TMEM260: variants seen among roughly 807,000 people sequenced by gnomAD.
The protein encoded by TMEM260 is protein O-mannosyl-transferase TMEM260.
TMEM260 carries 82 observed loss-of-function variants against 88.9 expected under a neutral mutation model. The observed-to-expected ratio is 0.92, with a 90% CI of 0.77 to 1.11. The LOEUF (loss-of-function observed/expected upper bound fraction) is 1.11. Ranked by LOEUF, TMEM260 falls within the 50% of genes least tolerant of loss-of-function variation. The pLI is 0.00. For missense variants in TMEM260, 902 were observed against 853.4 expected, an observed-to-expected ratio of 1.06 and a Z score of -0.71; for synonymous variants, 314 against 309.3, an observed-to-expected ratio of 1.02 and a Z score of -0.16.
intron 3 of TMEM260, among the ~76,000 whole-genome samples, chr14:56,598,192 G>C (rs1886363027): frequency 1.3e-5 from 2 of 152,010 alleles, no homozygotes; most frequent in African/African-American, 4.8e-5. Flanking sequence ...GAAATCTGGG[G>C]AAATAACCAG....
rs1886148681 is a variant in TMEM260 at position 56,595,474 on chromosome 14, A to G, written c.345-8341A>G. Among the ~76,000 whole-genome samples the G allele has an allele frequency of 2.0e-5, 3 of 152,110 alleles. No individual in the cohort carries two copies. In the South Asian group the frequency reaches 6.2e-4, roughly 32 times the overall value. ...GCAATATGAGTAACTGTGAACCTAT[A>G]TTTTATTTTATTTTCTTTTTTGGAG... is the stretch of plus-strand genomic sequence containing the variant. On this transcript the variant is annotated intron_variant, in intron 3 of 15. Coordinates refer to ENST00000261556, the MANE Select transcript of TMEM260 (RefSeq NM_017799.4).
Position 56,625,410 on chromosome 14 carries a change from A to T in TMEM260, c.1427A>T (p.Lys476Met). 1 of 1,613,998 alleles carries T rather than the reference A, an allele frequency of 6.2e-7. No individual in the cohort carries two copies. Among genetic ancestry groups the T allele is most frequent in the Non-Finnish European group, 8.5e-7 (1 of 1,179,988 alleles). ...EMMTYEWYLP[K>M]MAKHLPGVNF... ...ATGACTTACGAGTGGTATTTACCCA[A>T]GATGGCAAAGCACTTGCCAGGTGTC... The change falls in exon 12 of 16, where the codon AAG (lysine) becomes ATG (methionine). Residue 476 changes from lysine (K) to methionine (M), a missense_variant. Transcript: ENST00000261556.
At chr14:56,650,017 TAGG>T (rs1890172123), downstream of TMEM260, 11 of 434,386 alleles carry the variant, frequency 2.5e-5, no homozygotes, top group African/African-American at 1.4e-4. Context: ...TCCTTTCTAT[TAGG>T]TGAGGTTAAA....
chr14:56,662,330 G>A, the TMEM260 span, among the ~76,000 whole-genome samples: 1 of 152,152 alleles, frequency 6.6e-6, no homozygotes, highest in Non-Finnish European at 1.5e-5. Flanking sequence ...TATGAGGAGG[G>A]TGAAGAGACA....
intron 3 of TMEM260, among the ~76,000 whole-genome samples, chr14:56,589,571 C>G (rs894275844): frequency 5.9e-5 from 9 of 152,018 alleles, no homozygotes; most frequent in Admixed American, 5.2e-4. Context: ...AAGACATCAG[C>G]TCTCTTAACG....
intron 15 of TMEM260, among the ~76,000 whole-genome samples, chr14:56,640,045 C>T (rs1167446698): frequency 6.6e-6 from 1 of 152,216 alleles, no homozygotes; most frequent in Non-Finnish European, 1.5e-5. Context: ...TTCCTGCCTG[C>T]CTCTGTAGGC....
At chr14:56,644,953 C>T (rs937198372) in intron 15 of TMEM260, among the ~76,000 whole-genome samples, 1 of 152,090 alleles carries the variant, frequency 6.6e-6, no homozygotes, top group Non-Finnish European at 1.5e-5. Context: ...GATACCATCT[C>T]ACACCAGTTA....
At chr14:56,582,312 C>G (rs1030292889) in intron 1 of TMEM260, among the ~76,000 whole-genome samples, 3 of 152,166 alleles carry the variant, frequency 2.0e-5, no homozygotes, top group African/African-American at 4.8e-5. Context: ...TACCACTTGA[C>G]ACACACAGTT....
Position 56,637,887 on chromosome 14 carries a change from G to A in TMEM260, c.1869+1289G>A, listed in dbSNP as rs1254197344. Among the ~76,000 whole-genome samples the A allele has an allele frequency of 2.0e-5, 3 of 149,178 alleles. No individual in the cohort carries two copies. The East Asian group carries it at 6.3e-4, about 31-fold the overall frequency. On this transcript the variant is annotated intron_variant, in intron 15 of 15. Coordinates refer to ENST00000261556, the MANE Select transcript of TMEM260 (RefSeq NM_017799.4). ...TCAAAAAGGTGGCAGGCTAGAGAGG[G>A]AGATGGAAGATCAAGTCCTCAGTCA...
rs764775633 is a variant in TMEM260 at position 56,618,770 on chromosome 14, C to A, written c.1226+7C>A. On this transcript the variant is annotated splice_region_variant and intron_variant, in intron 10 of 15. Coordinates refer to ENST00000261556, the MANE Select transcript of TMEM260 (RefSeq NM_017799.4). ...AAATATATTCTAATTACAGGTAATACATGGTTATTTTTATGAAAAGTAGCT... is the reference window on the plus strand; with the variant it reads ...AAATATATTCTAATTACAGGTAATAAATGGTTATTTTTATGAAAAGTAGCT... The A allele has an allele frequency of 6.2e-7, 1 of 1,611,606 alleles. No homozygotes were observed. Among genetic ancestry groups the A allele is most frequent in the Admixed American group, 1.7e-5 (1 of 59,798 alleles).
chr14:56,653,736 C>CAAAACAACAAAAAAAA (rs1890247151), downstream of TMEM260, among the ~76,000 whole-genome samples: 1 of 66,608 alleles, frequency 1.5e-5, no homozygotes, highest in African/African-American at 5.9e-5. Context: ...CTCTTGTCTC[C>CAAAACAACAAAAAAAA]AAAACAAAAA....
intron 15 of TMEM260, among the ~76,000 whole-genome samples, chr14:56,637,853 T>TCCCTGCTATCAAAATCTTAC (rs147154694): frequency 0.023 from 3,565 of 152,178 alleles, 97 homozygotes; most frequent in East Asian, 0.098. Context: ...CCAAGTCTTA[T>TCCCTGCTATCAAAATCTTAC]CCCTGCTATC....
intron 3 of TMEM260, among the ~76,000 whole-genome samples, chr14:56,596,897 T>A (rs888010221): frequency 5.9e-5 from 9 of 151,752 alleles, no homozygotes; most frequent in African/African-American, 2.2e-4. Flanking sequence ...ATATAGAAGA[T>A]TTTAAGTTCT....
chr14:56,653,501 A>G (rs1241337100), downstream of TMEM260, among the ~76,000 whole-genome samples: 3 of 152,014 alleles, frequency 2.0e-5, no homozygotes, highest in Non-Finnish European at 2.9e-5. Flanking sequence ...TGAGAGGCCA[A>G]TGCGGGTGGA....
At chr14:56,628,467 T>A (rs2089139724) in intron 12 of TMEM260, among the ~76,000 whole-genome samples, 1 of 152,226 alleles carries the variant, frequency 6.6e-6, no homozygotes, top group South Asian at 2.1e-4. Context: ...CTAAGAACTC[T>A]TTGCCTAATG....
At chr14:56,623,639 C>T (rs764417238) in intron 11 of TMEM260, among the ~76,000 whole-genome samples, 2 of 152,146 alleles carry the variant, frequency 1.3e-5, no homozygotes, top group Non-Finnish European at 2.9e-5. Context: ...TACAGTTATT[C>T]TCACATAGCA....
In TMEM260 at chr14:56,618,654, G is replaced by C. The variant is rs370134577; in HGVS notation, c.1117G>C (p.Ala373Pro). Residue 373 changes from alanine (A) to proline (P), a missense_variant, in exon 10 of 16, where the codon GCT (alanine) becomes CCT (proline). Ala to Pro is a conservative substitution (Grantham distance 27). Coordinates refer to ENST00000261556, the MANE Select transcript of TMEM260 (RefSeq NM_017799.4). ...VVAVLAGIGLAAVVSETNRVL... is the reference protein window; with the variant it reads ...VVAVLAGIGLPAVVSETNRVL... ...GGCCGTCCTCGCTGGCATTGGTTTG[G>C]CTGCAGTTGTGTCTGAGACTAACCG... is the stretch of plus-strand genomic sequence containing the variant. 44 of 1,614,096 alleles carry C rather than the reference G, an allele frequency of 2.7e-5. No individual in the cohort carries two copies. Among genetic ancestry groups the C allele is most frequent in the Middle Eastern group, 3.3e-4 (2 of 6,084 alleles).
chr14:56,583,878 G>A (rs1458135170), intron 1 of TMEM260, among the ~76,000 whole-genome samples: 1 of 152,048 alleles, frequency 6.6e-6, no homozygotes, highest in African/African-American at 2.4e-5. Context: ...GCCTAGAAAA[G>A]GGACCTTGAA....
intron 10 of TMEM260, among the ~76,000 whole-genome samples, chr14:56,620,169 G>GA (rs973618275): frequency 3.3e-5 from 5 of 152,016 alleles, no homozygotes; most frequent in African/African-American, 1.2e-4. Flanking sequence ...GAGAGGATCA[G>GA]AAAAAAATAA....
Sources: gnomAD v4.1 joint callset for allele counts (sites outside exome capture counted in the v4.1 genomes callset) on GRCh38, gnomAD v4.1.1 for gene constraint, MANE v1.5 for transcripts, NCBI Gene and HGNC (gene_info 2026-07-23, HGNC 2026-07-21) for gene names.